Variants in NBPF14 observed in about 807,000 individuals in gnomAD.
NBPF14 encodes NBPF member 14.
A neutral mutation model predicts 91.2 loss-of-function variants in NBPF14; 104 were observed. That is an observed-to-expected ratio of 1.14 (90% confidence interval 0.97 to 1.34). The LOEUF (loss-of-function observed/expected upper bound fraction) is 1.34, where lower values mean the gene tolerates loss of function less well. Among genes scored for constraint, NBPF14 ranks in the 40% most tolerant of loss-of-function variants. The pLI, the probability that NBPF14 is intolerant of heterozygous loss-of-function variation, is 0.00. For missense variants in NBPF14, 908 were observed against 783.0 expected, an observed-to-expected ratio of 1.16 and a Z score of -1.91; for synonymous variants, 294 against 303.8, an observed-to-expected ratio of 0.97 and a Z score of 0.34.
chr1:148,577,617 G>T (rs1660125665), intron 14 of NBPF14, among the ~76,000 whole-genome samples: 2 of 149,674 alleles, frequency 1.3e-5, no homozygotes, highest in Admixed American at 6.6e-5. Context: ...TTGGTCAGGT[G>T]ACACACTGAT....
At position 148,577,908 on chromosome 1, in the gene NBPF14, A is replaced by T. The variant is rs1660237852; in HGVS notation, c.1853+75T>A. ...ACAAGACAAAATCATTATTTTCAGG[A>T]TGTACTGTTTTCCCTGGACTTGGCA... On this transcript the variant is annotated intron_variant, in intron 14 of 70. Transcript: ENST00000619423. The T allele has an allele frequency of 2.5e-5, 16 of 635,840 alleles. No homozygotes were observed. The South Asian group carries it at 2.9e-4, about 11-fold the overall frequency. 39.4% of individuals were successfully genotyped at this position (635,840 alleles called of 1,614,324 possible).
intron 5 of NBPF14, 127 bp from the exon 6 acceptor site, chr1:148,591,095 C>T (rs1662385920): frequency 1.0e-6 from 1 of 998,492 alleles, no homozygotes; most frequent in African/African-American, 1.6e-5. Flanking sequence ...CGGAGGTTCC[C>T]TTAAAGAGGG....
chr1:148,577,440 G>A lies in NBPF14; in HGVS notation c.1854-85C>T. ...AGCTAGATTTCATGGCTAACGTAAG[G>A]AAGAGTTTGAAAAGAAAAAGGACAG... On this transcript the variant is annotated intron_variant, in intron 14 of 70. Coordinates refer to ENST00000619423, the Ensembl canonical transcript of NBPF14. 4 of 658,866 alleles carry A rather than the reference G, an allele frequency of 6.1e-6. No individual in the cohort carries two copies. In the South Asian group the frequency reaches 6.9e-5, roughly 11 times the overall value. 40.8% of individuals were successfully genotyped at this position (658,866 alleles called of 1,614,324 possible). A position where few individuals can be genotyped will look rare whatever the true frequency, so the allele number is the denominator to read the frequency against.
At chr1:148,534,892 G>A (rs1315260913) in intron 68 of NBPF14, 36 bp from the exon 69 acceptor site, 30 of 718,024 alleles carry the variant, frequency 4.2e-5, no homozygotes, top group Non-Finnish European at 7.4e-5. Flanking sequence ...ATAAGCCAGG[G>A]GGAATCAGAA....
intron 39 of NBPF14, among the ~76,000 whole-genome samples, chr1:148,557,804 A>C (rs1188370962): frequency 9.2e-6 from 1 of 109,204 alleles, no homozygotes; most frequent in Non-Finnish European, 1.7e-5. Flanking sequence ...GTTATGCTTT[A>C]TTGTTCCCAT....
intron 28 of NBPF14, among the ~76,000 whole-genome samples, 164 bp from the exon 29 acceptor site, chr1:148,566,479 C>G (rs1322531473): frequency 0.024 from 3,312 of 139,396 alleles, 180 homozygotes; most frequent in African/African-American, 0.083. Flanking sequence ...AGAACAGGGC[C>G]AAATGGAAAA....
At chr1:148,575,954 A>T in intron 16 of NBPF14, 143 bp from the exon 17 acceptor site, 1 of 530,210 alleles carries the variant, frequency 1.9e-6, no homozygotes, top group Non-Finnish European at 3.3e-6. Context: ...TATTGCCTTT[A>T]TGTTGGGATA....
intron 37 of NBPF14, among the ~76,000 whole-genome samples, 184 bp downstream of exon 37, chr1:148,559,609 T>C (rs1657307346): frequency 8.0e-6 from 1 of 124,658 alleles, no homozygotes; most frequent in South Asian, 2.9e-4. Context: ...AGAGCCTTGC[T>C]CACTGACCCA....
At chr1:148,534,104 G>C in intron 69 of NBPF14, 135 bp from the exon 70 acceptor site, 3 of 575,902 alleles carry the variant, frequency 5.2e-6, no homozygotes, top group Non-Finnish European at 9.2e-6. Flanking sequence ...ATATATTTCA[G>C]GAGGCCTGAA....
chr1:148,535,333 T>G (rs1437967667), intron 68 of NBPF14, 120 bp downstream of exon 68: 16 of 592,578 alleles, frequency 2.7e-5, no homozygotes, highest in African/African-American at 2.7e-4. Flanking sequence ...AACAGCAATG[T>G]CAGTAGGAGT....
intron 68 of NBPF14, among the ~76,000 whole-genome samples, chr1:148,535,097 G>A (rs1406995527): frequency 2.0e-4 from 30 of 146,412 alleles, no homozygotes; most frequent in Middle Eastern, 3.5e-3. Flanking sequence ...CGAATTGGCC[G>A]GGTGACACAC....
rs1399769132 is a variant in NBPF14 at position 148,559,854 on chromosome 1, G to T, written c.4668C>A (p.Pro1556=). The change falls in exon 37 of 71, where the codon CCC becomes CCA. Residue 1556 remains proline (P), a synonymous_variant. Coordinates refer to ENST00000619423, the Ensembl canonical transcript of NBPF14. ...CCAATATGTAAAAGGCACTTCTATA[G>T]GGCTGGCATGAGTCAGTCAGTTCAA... 4 of 1,516,070 alleles carry T rather than the reference G, an allele frequency of 2.6e-6. 1 individual carries two copies. Among genetic ancestry groups the T allele is most frequent in the South Asian group, 2.4e-5 (2 of 81,790 alleles). 93.9% of individuals were successfully genotyped at this position (1,516,070 alleles called of 1,614,324 possible). A position where few individuals can be genotyped will look rare whatever the true frequency, so the allele number is the denominator to read the frequency against.
At chr1:148,556,993 C>A (rs1380479435) in intron 40 of NBPF14, 131 bp from the exon 41 acceptor site, 30,618 of 97,900 alleles carry the variant, frequency 0.31, 5,524 homozygotes, top group East Asian at 0.91. Flanking sequence ...TGAGGTAACA[C>A]ATTATTGCCT....
intron 39 of NBPF14, among the ~76,000 whole-genome samples, 166 bp from the exon 40 acceptor site, chr1:148,557,708 G>A (rs1570936557): frequency 7.7e-6 from 1 of 130,326 alleles, no homozygotes; most frequent in Admixed American, 7.6e-5. Flanking sequence ...GATATTCCTT[G>A]CTTTGCATCT....
chr1:148,534,508 A>T (rs1411657585), intron 69 of NBPF14, among the ~76,000 whole-genome samples, 176 bp downstream of exon 69: 1 of 151,706 alleles, frequency 6.6e-6, no homozygotes, highest in African/African-American at 2.4e-5. Flanking sequence ...TCACTGACCC[A>T]TTTCATGTCT....
intron 59 of NBPF14, among the ~76,000 whole-genome samples, chr1:148,542,132 A>G (rs1334076865): frequency 4.8e-5 from 5 of 104,808 alleles, no homozygotes; most frequent in African/African-American, 7.0e-5. Context: ...TAAAGCATAT[A>G]CCCTCAAATG....
In NBPF14 at chr1:148,586,722, G is replaced by T. The variant is rs1272447797; in HGVS notation, c.1092-253C>A. Among the ~76,000 whole-genome samples, 22 of 145,362 alleles carry T rather than the reference G, an allele frequency of 1.5e-4. 1 individual carries two copies. The South Asian group carries it at 4.8e-3, about 32-fold the overall frequency. On this transcript the variant is annotated intron_variant, in intron 8 of 70. Coordinates refer to ENST00000619423, the Ensembl canonical transcript of NBPF14. ...CTTTCTCTTCTGTAAACAAAAGTAG[G>T]TGTCTTCCTAATTCCATTTCAAAAA...
exon 8 of NBPF14, chr1:148,587,378 T>C: frequency 6.3e-7 from 1 of 1,581,800 alleles, no homozygotes; most frequent in Non-Finnish European, 8.6e-7. Flanking sequence ...GCATAAATTT[T>C]ATGAGGTCTT....
intron 59 of NBPF14, among the ~76,000 whole-genome samples, chr1:148,542,113 C>G (rs1276389511): frequency 9.7e-6 from 1 of 103,100 alleles, no homozygotes; most frequent in Non-Finnish European, 1.7e-5. Flanking sequence ...CATATTTTTC[C>G]AATCAACTTA....
Sources: allele counts gnomAD v4.1 joint callset (sites outside exome capture counted in the v4.1 genomes callset), GRCh38; gene constraint gnomAD v4.1.1; transcripts MANE v1.5; gene names NCBI Gene and HGNC (gene_info 2026-07-23, HGNC 2026-07-21).